The following SLC25A40 variants were observed in gnomAD, a reference collection of about 807,000 sequenced individuals.
The protein encoded by SLC25A40 is mitochondrial glutathione transporter SLC25A40.
In SLC25A40, 41 loss-of-function variants were observed where a neutral mutation model predicts 46.5. The ratio of observed to expected loss-of-function variants is 0.88; its 90% confidence interval spans 0.69 to 1.14. The LOEUF (loss-of-function observed/expected upper bound fraction) is 1.14, where lower values mean the gene tolerates loss of function less well. Ranked by LOEUF, SLC25A40 falls within the 50% of genes most tolerant of loss-of-function variation. The pLI, the probability that SLC25A40 is intolerant of heterozygous loss-of-function variation, is 0.00. For synonymous variants in SLC25A40, 126 were observed against 127.5 expected, an observed-to-expected ratio of 0.99 and a Z score of 0.08; for missense variants, 386 against 393.6, an observed-to-expected ratio of 0.98 and a Z score of 0.16.
chr7:87,861,039 G>A (rs559583198), intron 1 of SLC25A40, among the ~76,000 whole-genome samples: 21 of 152,184 alleles, frequency 1.4e-4, no homozygotes, highest in African/African-American at 3.6e-4. Flanking sequence ...AATCTGAATC[G>A]AAACAATCTT....
In SLC25A40 at chr7:87,846,960, A is replaced by G. The variant is rs1477382030; in HGVS notation, c.620T>C (p.Val207Ala). 21 of 1,606,832 alleles carry G rather than the reference A, an allele frequency of 1.3e-5. No homozygotes were observed. Among genetic ancestry groups the G allele is most frequent in the Non-Finnish European group, 1.8e-5 (21 of 1,177,480 alleles). The change falls in exon 8 of 12, where the codon GTA (valine) becomes GCA (alanine). Residue 207 changes from valine (V) to alanine (A), a missense_variant. Coordinates refer to ENST00000341119, the MANE Select transcript of SLC25A40 (RefSeq NM_018843.4). Reference protein sequence around the residue: ...RGWAPTVLRDVPFSAMYWYNY... With the variant: ...RGWAPTVLRDAPFSAMYWYNY... ...AAGATAAATCCTACCTGAGAAAGGT[A>G]CATCTCTAAGAACAGTAGGAGCCCA...
At chr7:87,837,526 A>AATTTGAGTGGTTG in intron 10 of SLC25A40, among the ~76,000 whole-genome samples, 1 of 151,374 alleles carries the variant, frequency 6.6e-6, no homozygotes, top group South Asian at 2.1e-4. Flanking sequence ...CTTATTTGCA[A>AATTTGAGTGGTTG]CCACTCAAAT....
intron 1 of SLC25A40, among the ~76,000 whole-genome samples, chr7:87,863,134 G>A (rs1410323305): frequency 1.3e-5 from 2 of 152,020 alleles, no homozygotes; most frequent in African/African-American, 2.4e-5. Context: ...TTGATGTTAA[G>A]GCATGTATAC....
chr7:87,868,280 C>T (rs1838837476), intron 1 of SLC25A40, among the ~76,000 whole-genome samples: 1 of 152,200 alleles, frequency 6.6e-6, no homozygotes, highest in Non-Finnish European at 1.5e-5. Flanking sequence ...ATCTGTGATA[C>T]TCTCAAACCG....
chr7:87,870,054 T>C lies in SLC25A40; in HGVS notation c.-94+6042A>G, dbSNP rs190969451. ...TTTGCATTTTTCTAAGGAATTGTTA[T>C]GTTATGCATAACAATTATATCTTCT... On this transcript the variant is annotated intron_variant, in intron 1 of 11. Coordinates refer to ENST00000341119, the MANE Select transcript of SLC25A40 (RefSeq NM_018843.4). 4.6e-5 allele frequency among the ~76,000 whole-genome samples: 7 copies of C among 152,260 alleles called. No individual in the cohort carries two copies. The East Asian group carries it at 9.6e-4, about 21-fold the overall frequency.
At chr7:87,843,678 T>C (rs1373535382) in intron 9 of SLC25A40, 76 bp downstream of exon 9, 9 of 1,055,046 alleles carry the variant, frequency 8.5e-6, no homozygotes, top group Middle Eastern at 2.1e-4. Context: ...TCAATATACA[T>C]GAGATGCTAT....
intron 6 of SLC25A40, among the ~76,000 whole-genome samples, chr7:87,848,812 T>G (rs1219409664): frequency 6.6e-6 from 1 of 152,218 alleles, no homozygotes; most frequent in African/African-American, 2.4e-5. Flanking sequence ...TCACAGACTA[T>G]AAATTGGAAT....
rs1838244655 is a variant in SLC25A40 at position 87,835,457 on chromosome 7, C to CA, written c.*791dup. 1.3e-5 allele frequency: 2 copies of CA among 151,662 alleles called. No homozygotes were observed. Among genetic ancestry groups the CA allele is most frequent in the South Asian group, 4.1e-4 (2 of 4,830 alleles). The allele number at this position is 151,662 out of a possible 1,614,324, so 9.4% of individuals were successfully genotyped here. ...AAAAATCAGAGGCTATTCCTGTGTG[C>CA]AAACTATTTTTACCAGTCTAAATAC... On this transcript the variant is annotated 3_prime_UTR_variant, in exon 12 of 12. Coordinates refer to ENST00000341119, the MANE Select transcript of SLC25A40 (RefSeq NM_018843.4).
At chr7:87,873,326 G>C (rs1247176006) in intron 1 of SLC25A40, among the ~76,000 whole-genome samples, 1 of 151,944 alleles carries the variant, frequency 6.6e-6, no homozygotes, top group African/African-American at 2.4e-5. Context: ...GAGGTAATCT[G>C]AAAGATCAGA....
chr7:87,841,710 G>A lies in SLC25A40; in HGVS notation c.746C>T (p.Ala249Val), dbSNP rs1030879027. 2 of 1,511,710 alleles carry A rather than the reference G, an allele frequency of 1.3e-6. No individual in the cohort carries two copies. Among genetic ancestry groups the A allele is most frequent in the East Asian group, 2.5e-5 (1 of 40,740 alleles). The allele number at this position is 1,511,710 out of a possible 1,614,324, so 93.6% of individuals were successfully genotyped here. ...ATCAAATGGTAAAGTTGCAACAGCA[G>A]CAAACTATCAGAAAGTAAAATTGAT... ...FTSGALSGSF[A>V]AVATLPFDVV... is the part of the protein sequence containing the mutation. Residue 249 changes from alanine to valine, a missense_variant, in exon 10 of 12, where the codon GCT (alanine) becomes GTT (valine). Coordinates refer to ENST00000341119, the MANE Select transcript of SLC25A40 (RefSeq NM_018843.4).
chr7:87,836,013 T>C lies in SLC25A40; in HGVS notation c.*236A>G. On this transcript the variant is annotated 3_prime_UTR_variant, in exon 12 of 12. Transcript: ENST00000341119. ...GCTTTTGATGCTAAGGAGTAATCTA[T>C]TTTTACAAGAATGCTCAATGGTGGT... The C allele has an allele frequency of 2.7e-6, 1 of 369,168 alleles. No individual in the cohort carries two copies. The allele number at this position is 369,168 out of a possible 1,614,324, so 22.9% of individuals were successfully genotyped here.
rs778537970 is a variant in SLC25A40 at position 87,849,926 on chromosome 7, C to A, written c.287G>T (p.Arg96Leu). 3.1e-6 allele frequency: 5 copies of A among 1,596,460 alleles called. No individual in the cohort carries two copies. The highest frequency in any genetic ancestry group is 4.3e-6 in the Non-Finnish European group (5 of 1,172,468). ...GTLDAFFKII[R>L]NEGIKSLWSG... ...CCATAGAGATTTAATGCCCTCATTT[C>A]GAATGATTTTAAAAAATGCATCCTA... Residue 96 changes from arginine (R) to leucine (L), a missense_variant, in exon 6 of 12, where the codon CGA becomes CTA. Arg to Leu is a moderately radical substitution (Grantham distance 102). Coordinates refer to ENST00000341119, the MANE Select transcript of SLC25A40 (RefSeq NM_018843.4).
chr7:87,873,614 G>A (rs775020920), intron 1 of SLC25A40, among the ~76,000 whole-genome samples: 1 of 151,754 alleles, frequency 6.6e-6, no homozygotes, highest in Non-Finnish European at 1.5e-5. Flanking sequence ...TGTATTGTTA[G>A]TACAGCCAGA....
chr7:87,851,289 TA>T (rs1838505135), intron 5 of SLC25A40, among the ~76,000 whole-genome samples: 1 of 152,144 alleles, frequency 6.6e-6, no homozygotes, highest in African/African-American at 2.4e-5. Flanking sequence ...GGATGACTCT[TA>T]AAACACTATG....
chr7:87,861,420 A>AG (rs1354842593), intron 1 of SLC25A40, among the ~76,000 whole-genome samples: 1 of 152,146 alleles, frequency 6.6e-6, no homozygotes, highest in Non-Finnish European at 1.5e-5. Flanking sequence ...TATTTTTTTG[A>AG]GAGATTCATT....
intron 1 of SLC25A40, among the ~76,000 whole-genome samples, chr7:87,867,157 C>T: frequency 6.6e-6 from 1 of 152,232 alleles, no homozygotes; most frequent in East Asian, 1.9e-4. Context: ...ATATCTTTCT[C>T]AAGTTTGGGA....
intron 5 of SLC25A40, among the ~76,000 whole-genome samples, chr7:87,852,420 A>C (rs1165031525): frequency 6.6e-6 from 1 of 152,134 alleles, no homozygotes; most frequent in Non-Finnish European, 1.5e-5. Flanking sequence ...GTCTCTACAA[A>C]AAATAAATCA....
chr7:87,841,660 G>A lies in SLC25A40; in HGVS notation c.796C>T (p.Gln266Ter). ...FDVVKTQKQTQLWTYESHKIS... is the reference protein window; with the variant it reads ...FDVVKTQKQT ...TTATGACTTTCATATGTCCAAAGTTGTGTCTGCTTTTGTGTTTTTACTACA... is the reference window on the plus strand; with the variant it reads ...TTATGACTTTCATATGTCCAAAGTTATGTCTGCTTTTGTGTTTTTACTACA... The change falls in exon 10 of 12, where the codon CAA (glutamine) becomes TAA (stop). Residue 266 changes from glutamine (Q) to a stop codon, truncating the protein, a stop_gained. Transcript: ENST00000341119. LOFTEE classifies it high-confidence loss of function. 6.5e-7 allele frequency: 1 copy of A among 1,528,416 alleles called. No individual in the cohort carries two copies. The highest frequency in any genetic ancestry group is 8.8e-7 in the Non-Finnish European group (1 of 1,136,724). 94.7% of individuals were successfully genotyped at this position (1,528,416 alleles called of 1,614,324 possible).
chr7:87,866,410 T>A (rs12538627), intron 1 of SLC25A40, among the ~76,000 whole-genome samples: 1 of 152,218 alleles, frequency 6.6e-6, no homozygotes, highest in East Asian at 1.9e-4. Flanking sequence ...TGTTGCCAGA[T>A]GAATTGGAGT....
Sources: gnomAD v4.1 joint callset for allele counts (sites outside exome capture counted in the v4.1 genomes callset) on GRCh38, gnomAD v4.1.1 for gene constraint, MANE v1.5 for transcripts, NCBI Gene and HGNC (gene_info 2026-07-23, HGNC 2026-07-21) for gene names.